Variants in MAIP1 observed in about 807,000 individuals in gnomAD.
The protein encoded by MAIP1 is m-AAA protease-interacting protein 1, mitochondrial.
A neutral mutation model predicts 31.2 loss-of-function variants in MAIP1; 28 were observed. That is an observed-to-expected ratio of 0.90 (90% CI 0.67 to 1.23). The LOEUF is 1.23. MAIP1 is among the 50% of genes most tolerant of loss of function. The probability of loss-of-function intolerance (pLI) is 0.00; values close to 1 mark genes in which losing one functional copy is unlikely to be tolerated. For synonymous variants in MAIP1, 142 were observed against 142.3 expected (o/e 1.00, Z 0.02); for missense variants, 339 against 356.0 (o/e 0.95, Z 0.38).
upstream of MAIP1, chr2:199,955,493 C>T: frequency 6.2e-7 from 1 of 1,611,876 alleles, no homozygotes; most frequent in Non-Finnish European, 8.5e-7. Context: ...CTGCCCTCTT[C>T]CAGGTCTTCG....
chr2:199,955,487 C>T (rs1341943040), upstream of MAIP1: 3 of 1,612,868 alleles, frequency 1.9e-6, no homozygotes, highest in South Asian at 3.3e-5. Flanking sequence ...TCACGCCTGC[C>T]CTCTTCCAGG....
chr2:199,959,844 T>G lies in MAIP1; in HGVS notation c.613T>G (p.Ser205Ala). The G allele has an allele frequency of 6.2e-7, 1 of 1,612,282 alleles. No homozygotes were observed. Among genetic ancestry groups the G allele is most frequent in the South Asian group, 1.1e-5 (1 of 91,032 alleles). Residue 205 changes from serine to alanine, a missense_variant, in exon 3 of 5, where the codon TCA becomes GCA. Coordinates refer to ENST00000392290, the MANE Select transcript of MAIP1 (RefSeq NM_001394955.1). ...AANIDEIVFTSTGDISIYYDE... is the reference protein window; with the variant it reads ...AANIDEIVFTATGDISIYYDE... ...TAACATAGATGAAATTGTATTTACA[T>G]CAACAGGAGACATCTCCATTTACTA...
Position 199,955,707 on chromosome 2 carries a change from T to C in MAIP1, c.-92T>C. On this transcript the variant is annotated 5_prime_UTR_variant, in exon 1 of 5. Coordinates refer to ENST00000392290, the MANE Select transcript of MAIP1 (RefSeq NM_001394955.1). ...CTGCAGCAACAGGTCCACTTTGCTCTCCAGTCTCTTTCTCCGACACCGCTG... is the reference window on the plus strand; with the variant it reads ...CTGCAGCAACAGGTCCACTTTGCTCCCCAGTCTCTTTCTCCGACACCGCTG... 6.9e-6 allele frequency: 9 copies of C among 1,311,382 alleles called. No homozygotes were observed. The highest frequency in any genetic ancestry group is 9.3e-6 in the Non-Finnish European group (9 of 963,950). 81.2% of individuals were successfully genotyped at this position (1,311,382 alleles called of 1,614,324 possible).
At position 199,959,912 on chromosome 2, in the gene MAIP1, T is replaced by C. The variant is rs371660903; in HGVS notation, c.649+32T>C. 16 of 1,596,558 alleles carry C rather than the reference T, an allele frequency of 1.0e-5. No individual in the cohort carries two copies. The African/African-American group carries it at 1.7e-4, about 17-fold the overall frequency. On this transcript the variant is annotated intron_variant, in intron 3 of 4. Coordinates refer to ENST00000392290, the MANE Select transcript of MAIP1 (RefSeq NM_001394955.1). ...CCAGAGCATAGTCAACTTGAAATGA[T>C]CCATAATTGTCCAGATAAGCTAAAC...
At chr2:199,959,208 G>T in intron 1 of MAIP1, 60 bp from the exon 2 acceptor site, 1 of 851,580 alleles carries the variant, frequency 1.2e-6, no homozygotes. Flanking sequence ...ATTTAAATAT[G>T]AACATGGTAT....
rs897800513 is a variant in MAIP1, at chr2:199,955,628, G to A, written c.-171G>A. On this transcript the variant is annotated 5_prime_UTR_variant, in exon 1 of 5. Transcript: ENST00000392290. ...CGAGCGCGGGGCGGGTTGCCGAAGG[G>A]CCTCGGCCTGGGCTGCGTGCTGGAG... 137 of 1,175,196 alleles carry A rather than the reference G, an allele frequency of 1.2e-4. No individual in the cohort carries two copies. The highest frequency in any genetic ancestry group is 4.5e-5 in the Non-Finnish European group (38 of 850,154). The allele number at this position is 1,175,196 out of a possible 1,614,324, so 72.8% of individuals were successfully genotyped here. A position where few individuals can be genotyped will look rare whatever the true frequency, so the allele number is the denominator to read the frequency against.
At position 199,955,788 on chromosome 2, in the gene MAIP1, G is replaced by A. The variant is rs2077596802; in HGVS notation, c.-11G>A. 6.6e-7 allele frequency: 1 copy of A among 1,515,680 alleles called. No individual in the cohort carries two copies. The highest frequency in any genetic ancestry group is 2.3e-5 in the East Asian group (1 of 43,984). The allele number at this position is 1,515,680 out of a possible 1,614,324, so 93.9% of individuals were successfully genotyped here. ...CAGCACCGGCAGGCACCGGTGTGAAGGGTCATAAAAATGGCGCTGGCCGCT... is the reference window on the plus strand; with the variant it reads ...CAGCACCGGCAGGCACCGGTGTGAAAGGTCATAAAAATGGCGCTGGCCGCT... On this transcript the variant is annotated 5_prime_UTR_variant, in exon 1 of 5. Transcript: ENST00000392290.
At chr2:199,962,535 C>T (rs1192088135) in intron 4 of MAIP1, among the ~76,000 whole-genome samples, 1 of 152,136 alleles carries the variant, frequency 6.6e-6, no homozygotes, top group African/African-American at 2.4e-5. Context: ...GTCTACTTGT[C>T]AAAGCAGTCA....
rs998556244 is a variant in MAIP1, at chr2:199,955,946, G to A, written c.148G>A (p.Gly50Arg). The change falls in exon 1 of 5, where the codon GGA becomes AGA. Residue 50 changes from glycine to arginine, a missense_variant. By Grantham distance (125) the Gly-to-Arg change is moderately radical (BLOSUM62 -2). Coordinates refer to ENST00000392290, the MANE Select transcript of MAIP1 (RefSeq NM_001394955.1). Reference protein sequence around the residue: ...CYFCRCRLGLGAALFPRSARA... With the variant: ...CYFCRCRLGLRAALFPRSARA... Reference sequence around the variant, plus strand: ...CTTCTGCCGCTGTCGCCTCGGCTTGGGAGCGGCGTTATTTCCACGAAGCGC... The same window carrying A: ...CTTCTGCCGCTGTCGCCTCGGCTTGAGAGCGGCGTTATTTCCACGAAGCGC... The A allele has an allele frequency of 1.4e-5, 23 of 1,605,286 alleles. No individual in the cohort carries two copies. The highest frequency in any genetic ancestry group is 2.0e-5 in the Non-Finnish European group (23 of 1,174,536).
intron 3 of MAIP1, 83 bp from the exon 4 acceptor site, chr2:199,961,698 C>T: frequency 7.6e-7 from 1 of 1,315,890 alleles, no homozygotes; most frequent in Non-Finnish European, 1.1e-6. Flanking sequence ...TAACTGCTGC[C>T]AATTTCTGAT....
Position 199,955,680 on chromosome 2 carries a change from G to A in MAIP1, c.-119G>A. The A allele has an allele frequency of 8.5e-7, 1 of 1,171,588 alleles. No individual in the cohort carries two copies. The highest frequency in any genetic ancestry group is 2.5e-5 in the East Asian group (1 of 40,388). 72.6% of individuals were successfully genotyped at this position (1,171,588 alleles called of 1,614,324 possible). A position where few individuals can be genotyped will look rare whatever the true frequency, so the allele number is the denominator to read the frequency against. On this transcript the variant is annotated 5_prime_UTR_variant, in exon 1 of 5. Coordinates refer to ENST00000392290, the MANE Select transcript of MAIP1 (RefSeq NM_001394955.1). ...GCGGGGACGGGGCCGACTCACCAGA[G>A]GCTGCAGCAACAGGTCCACTTTGCT...
intron 1 of MAIP1, among the ~76,000 whole-genome samples, chr2:199,959,041 T>A (rs1004706813): frequency 1.3e-5 from 2 of 152,218 alleles, no homozygotes; most frequent in African/African-American, 4.8e-5. Flanking sequence ...CATTTCCCGG[T>A]CCTGAGAGTG....
At chr2:199,959,601 G>A (rs1335072760) in intron 2 of MAIP1, among the ~76,000 whole-genome samples, 153 bp from the exon 3 acceptor site, 1 of 152,142 alleles carries the variant, frequency 6.6e-6, no homozygotes, top group Non-Finnish European at 1.5e-5. Context: ...CTTGAATAAT[G>A]AGATACATTT....
chr2:199,961,272 G>A (rs2077635070), intron 3 of MAIP1, among the ~76,000 whole-genome samples: 1 of 152,050 alleles, frequency 6.6e-6, no homozygotes, highest in Admixed American at 6.5e-5. Flanking sequence ...AGACCAGCCT[G>A]GGCAACATGG....
In MAIP1 at chr2:199,955,702, T is replaced by C. The variant is rs2077595548; in HGVS notation, c.-97T>C. On this transcript the variant is annotated 5_prime_UTR_variant, in exon 1 of 5. Coordinates refer to ENST00000392290, the MANE Select transcript of MAIP1 (RefSeq NM_001394955.1). ...AGAGGCTGCAGCAACAGGTCCACTT[T>C]GCTCTCCAGTCTCTTTCTCCGACAC... The C allele has an allele frequency of 1.6e-6, 2 of 1,268,810 alleles. No individual in the cohort carries two copies. Among genetic ancestry groups the C allele is most frequent in the East Asian group, 2.4e-5 (1 of 42,274 alleles). The allele number at this position is 1,268,810 out of a possible 1,614,324, so 78.6% of individuals were successfully genotyped here.
chr2:199,956,030 AG>A lies in MAIP1; in HGVS notation c.233del (p.Ser78ThrfsTer33), dbSNP rs2077600490. ...GGGCTCCCGGTGGCCAGTGCTCAGC[AG>A]CCCGGGACTCCCCGCAGCCTTCGCT... ...AQGSRWPVLSSPGLPAAFASF... is the reference protein window; with the variant it reads ...AQGSRWPVLSXPGLPAAFASF... On this transcript the variant is annotated frameshift_variant, in exon 1 of 5. Transcript: ENST00000392290. LOFTEE classifies it high-confidence loss of function. 3.7e-6 allele frequency: 6 copies of A among 1,609,746 alleles called. No homozygotes were observed. Among genetic ancestry groups the A allele is most frequent in the Non-Finnish European group, 5.1e-6 (6 of 1,177,884 alleles).
chr2:199,955,373 G>T (rs778682731), upstream of MAIP1: 27 of 1,611,650 alleles, frequency 1.7e-5, no homozygotes, highest in Non-Finnish European at 6.8e-6. Context: ...TCGAGGTTCT[G>T]CCCCGCGCGA....
At chr2:199,963,680 AAC>A in intron 4 of MAIP1, 51 bp from the exon 5 acceptor site, 1 of 1,075,764 alleles carries the variant, frequency 9.3e-7, no homozygotes, top group Non-Finnish European at 1.4e-6. Flanking sequence ...ATAGTTATCT[AAC>A]ACATACTTGG....
At chr2:199,959,912 T>G (rs371660903) in intron 3 of MAIP1, 32 bp downstream of exon 3, 1 of 1,596,440 alleles carries the variant, frequency 6.3e-7, no homozygotes, top group African/African-American at 1.3e-5. Context: ...CTTGAAATGA[T>G]CCATAATTGT....
Sources: allele counts gnomAD v4.1 joint callset (sites outside exome capture counted in the v4.1 genomes callset), GRCh38; gene constraint gnomAD v4.1.1; transcripts MANE v1.5; gene names NCBI Gene and HGNC (gene_info 2026-07-23, HGNC 2026-07-21).